The following SLC2A13 variants were observed in gnomAD, a reference collection of about 807,000 sequenced individuals.
SLC2A13 encodes the protein proton myo-inositol cotransporter.
A neutral mutation model predicts 64.4 loss-of-function variants in SLC2A13; 32 were observed. That is an observed-to-expected ratio of 0.50 (90% confidence interval 0.37 to 0.67). The LOEUF is 0.67. SLC2A13 is among the 30% of genes least tolerant of loss of function. SLC2A13 has a pLI of 0.00. For missense variants in SLC2A13, 743 were observed against 829.2 expected, an observed-to-expected ratio of 0.90 and a Z score of 1.28; for synonymous variants, 338 against 327.1, an observed-to-expected ratio of 1.03 and a Z score of -0.36.
intron 3 of SLC2A13, among the ~76,000 whole-genome samples, chr12:40,013,767 T>A (rs1183954357): frequency 6.6e-6 from 1 of 152,218 alleles, no homozygotes; most frequent in African/African-American, 2.4e-5. Context: ...TGTGCGGCCC[T>A]ACGCAGGCAC....
chr12:39,788,899 T>C (rs1941280813), intron 7 of SLC2A13, among the ~76,000 whole-genome samples: 1 of 152,148 alleles, frequency 6.6e-6, no homozygotes, highest in South Asian at 2.1e-4. Flanking sequence ...AATAAATATT[T>C]TGGTATGCCT....
At chr12:40,070,840 CTGTT>C (rs925079239) in intron 1 of SLC2A13, among the ~76,000 whole-genome samples, 1 of 152,096 alleles carries the variant, frequency 6.6e-6, no homozygotes, top group Admixed American at 6.6e-5. Context: ...ATAATAAACT[CTGTT>C]TGGCGTTTTT....
intron 1 of SLC2A13, among the ~76,000 whole-genome samples, chr12:40,085,532 G>A (rs917009054): frequency 6.6e-6 from 1 of 152,112 alleles, no homozygotes; most frequent in Admixed American, 6.5e-5. Context: ...TTGTTAGTGG[G>A]GAGAAATCCC....
intron 7 of SLC2A13, among the ~76,000 whole-genome samples, chr12:39,791,378 A>G (rs1941400717): frequency 1.7e-5 from 1 of 59,746 alleles, no homozygotes; most frequent in Non-Finnish European, 3.3e-5. Context: ...GGCCAGGGCA[A>G]TCAGGCAGGA....
intron 1 of SLC2A13, among the ~76,000 whole-genome samples, chr12:40,088,624 A>G (rs1486980348): frequency 6.6e-6 from 1 of 152,166 alleles, no homozygotes; most frequent in Non-Finnish European, 1.5e-5. Flanking sequence ...CAGTATGTAT[A>G]TTGCATGTTA....
At chr12:40,068,673 T>A (rs942390051) in intron 1 of SLC2A13, 7 of 152,676 alleles carry the variant, frequency 4.6e-5, no homozygotes, top group Non-Finnish European at 8.8e-5. Context: ...AATTGTTCAT[T>A]CTTATCATGG....
intron 1 of SLC2A13, among the ~76,000 whole-genome samples, chr12:40,082,461 G>C (rs1938440637): frequency 6.6e-6 from 1 of 152,194 alleles, no homozygotes; most frequent in Non-Finnish European, 1.5e-5. Flanking sequence ...AAAGAGCTAT[G>C]GCAGTAGCTG....
intron 4 of SLC2A13, among the ~76,000 whole-genome samples, chr12:39,942,582 ATTATT>A (rs1946052611): frequency 6.6e-6 from 1 of 152,176 alleles, no homozygotes; most frequent in Non-Finnish European, 1.5e-5. Context: ...ACTTTGCTGA[ATTATT>A]TTATCAGTTC....
intron 3 of SLC2A13, among the ~76,000 whole-genome samples, chr12:39,957,129 C>T (rs1433168001): frequency 6.6e-6 from 1 of 152,140 alleles, no homozygotes; most frequent in Non-Finnish European, 1.5e-5. Context: ...ATAACCCTTC[C>T]TGCCTTATGA....
chr12:39,838,838 A>G (rs1332430726), intron 6 of SLC2A13, among the ~76,000 whole-genome samples: 7 of 152,018 alleles, frequency 4.6e-5, no homozygotes, highest in South Asian at 4.2e-4. Context: ...CCCTCTGCAA[A>G]ACGGTCCATT....
chr12:39,884,049 T>G (rs1449656644), intron 4 of SLC2A13, among the ~76,000 whole-genome samples: 1 of 152,236 alleles, frequency 6.6e-6, no homozygotes, highest in Non-Finnish European at 1.5e-5. Flanking sequence ...TTGTTTGAAG[T>G]GTTAACATTT....
intron 1 of SLC2A13, among the ~76,000 whole-genome samples, chr12:40,079,307 G>A (rs562255980): frequency 1.3e-4 from 20 of 152,306 alleles, no homozygotes; most frequent in African/African-American, 4.8e-4. Context: ...AGATTCAGGT[G>A]AGTTGTATCT....
intron 7 of SLC2A13, among the ~76,000 whole-genome samples, chr12:39,776,313 G>A (rs1395755295): frequency 2.0e-5 from 3 of 152,038 alleles, no homozygotes; most frequent in Non-Finnish European, 2.9e-5. Flanking sequence ...CACCTCTGCC[G>A]ACAGCTGAGT....
At chr12:39,874,276 G>T (rs1160470746) in intron 4 of SLC2A13, among the ~76,000 whole-genome samples, 1 of 152,016 alleles carries the variant, frequency 6.6e-6, no homozygotes. Context: ...TGGTATGCTG[G>T]GTTCACAGAC....
intron 6 of SLC2A13, among the ~76,000 whole-genome samples, chr12:39,864,333 C>T (rs1592218806): frequency 6.6e-6 from 1 of 152,150 alleles, no homozygotes; most frequent in Non-Finnish European, 1.5e-5. Flanking sequence ...AAGAGGATAG[C>T]CATGCAAATC....
intron 4 of SLC2A13, among the ~76,000 whole-genome samples, chr12:39,894,674 C>T (rs1410164369): frequency 1.3e-5 from 2 of 152,118 alleles, no homozygotes; most frequent in Non-Finnish European, 2.9e-5. Flanking sequence ...AGGTCAGGGC[C>T]AACAGCTAAA....
At chr12:40,077,758 C>T (rs1938236070) in intron 1 of SLC2A13, among the ~76,000 whole-genome samples, 1 of 152,078 alleles carries the variant, frequency 6.6e-6, no homozygotes, top group African/African-American at 2.4e-5. Flanking sequence ...GCCATTTAAA[C>T]AATATTAACT....
At chr12:40,014,785 G>A (rs755864242) in intron 3 of SLC2A13, among the ~76,000 whole-genome samples, 1 of 152,084 alleles carries the variant, frequency 6.6e-6, no homozygotes, top group Non-Finnish European at 1.5e-5. Context: ...GAGCCACCAC[G>A]CCAGCCAAAA....
intron 3 of SLC2A13, among the ~76,000 whole-genome samples, chr12:39,966,418 C>T (rs1328029515): frequency 1.3e-5 from 2 of 152,024 alleles, no homozygotes; most frequent in Non-Finnish European, 2.9e-5. Context: ...TTTTAATTCA[C>T]AGACACATGC....
Sources: gnomAD v4.1 joint callset for allele counts (sites outside exome capture counted in the v4.1 genomes callset) on GRCh38, gnomAD v4.1.1 for gene constraint, MANE v1.5 for transcripts, NCBI Gene and HGNC (gene_info 2026-07-23, HGNC 2026-07-21) for gene names.